DACH2: variants seen among roughly 807,000 people sequenced by gnomAD.
The protein encoded by DACH2 is dachshund homolog 2.
DACH2 carries 17 observed loss-of-function variants against 35.8 expected under a neutral mutation model. The observed-to-expected ratio is 0.48, with a 90% CI of 0.33 to 0.71. The LOEUF is 0.71. DACH2 is among the 30% of genes least tolerant of loss of function. The pLI, the probability that DACH2 is intolerant of heterozygous loss-of-function variation, is 0.02. For synonymous variants in DACH2, 195 were observed against 177.3 expected (o/e 1.10, Z -0.79); for missense variants, 469 against 472.7 (o/e 0.99, Z 0.07).
chrX:86,804,341 C>T (rs1112307), intron 7 of DACH2, among the ~76,000 whole-genome samples: 25,051 of 110,590 alleles, frequency 0.23, 2,589 homozygotes, highest in South Asian at 0.4. Context: ...TCATGAGAAC[C>T]GCACCAGGAG....
chrX:86,691,817 G>A (rs2041013389), intron 4 of DACH2, among the ~76,000 whole-genome samples: 2 of 111,778 alleles, frequency 1.8e-5, no homozygotes, highest in Admixed American at 1.9e-4. Context: ...GCATTTGGAG[G>A]TAGACAGACA....
At chrX:86,371,128 T>C (rs990088622) in intron 1 of DACH2, among the ~76,000 whole-genome samples, 2 of 110,829 alleles carry the variant, frequency 1.8e-5, no homozygotes, top group Admixed American at 9.7e-5. Flanking sequence ...TCAGAGACAA[T>C]TGACATAGGG....
intron 2 of DACH2, among the ~76,000 whole-genome samples, chrX:86,469,842 T>TTGTGTGTG (rs59130472): frequency 1.1e-3 from 109 of 103,013 alleles, no homozygotes; most frequent in East Asian, 9.0e-3. Flanking sequence ...CTGTGTGTGT[T>TTGTGTGTG]TGTGTGTGTG....
intron 1 of DACH2, among the ~76,000 whole-genome samples, chrX:86,192,316 C>G (rs2031854286): frequency 8.9e-6 from 1 of 112,129 alleles, no homozygotes; most frequent in Non-Finnish European, 1.9e-5. Flanking sequence ...GATTCTTCCA[C>G]AAAACAGTTC....
At chrX:86,310,758 C>T (rs1309425983) in intron 1 of DACH2, among the ~76,000 whole-genome samples, 1 of 111,228 alleles carries the variant, frequency 9.0e-6, no homozygotes, top group African/African-American at 3.3e-5. Flanking sequence ...GTGTATGGAC[C>T]TCTCTCAGTG....
At chrX:86,281,239 C>A (rs180743776) in intron 1 of DACH2, among the ~76,000 whole-genome samples, 1 of 111,253 alleles carries the variant, frequency 9.0e-6, no homozygotes, top group Admixed American at 9.6e-5. Context: ...AACATCAGTG[C>A]GAAAATTCTC....
At chrX:86,248,071 C>T (rs968160581) in intron 1 of DACH2, among the ~76,000 whole-genome samples, 1 of 111,146 alleles carries the variant, frequency 9.0e-6, no homozygotes, top group African/African-American at 3.3e-5. Context: ...TACAAACCCA[C>T]AGCCAACATT....
chrX:86,802,508 G>A (rs1000029302), intron 7 of DACH2, among the ~76,000 whole-genome samples: 3 of 78,683 alleles, frequency 3.8e-5, no homozygotes, highest in Non-Finnish European at 7.0e-5. Context: ...AGATTAAGAA[G>A]AGAAGTTTCT....
intron 1 of DACH2, among the ~76,000 whole-genome samples, chrX:86,170,389 C>T (rs946304244): frequency 1.3e-4 from 14 of 111,686 alleles, no homozygotes; most frequent in Non-Finnish European, 2.3e-4. Context: ...CTACATTCAA[C>T]GGGTGACAAA....
chrX:86,238,401 A>C (rs1240218345), intron 1 of DACH2, among the ~76,000 whole-genome samples: 1 of 112,264 alleles, frequency 8.9e-6, no homozygotes, highest in Non-Finnish European at 1.9e-5. Context: ...ATAGCACTAG[A>C]CACATGTGAT....
chrX:86,733,024 A>G (rs192072739), intron 6 of DACH2, among the ~76,000 whole-genome samples: 1 of 111,630 alleles, frequency 9.0e-6, no homozygotes, highest in East Asian at 2.8e-4. Context: ...TGCCCAATTT[A>G]ATATCAAATT....
At chrX:86,164,680 T>C (rs1382895880) in intron 1 of DACH2, among the ~76,000 whole-genome samples, 1 of 111,605 alleles carries the variant, frequency 9.0e-6, no homozygotes, top group Non-Finnish European at 1.9e-5. Flanking sequence ...GCACCATTTA[T>C]TGAATAGGGA....
intron 3 of DACH2, among the ~76,000 whole-genome samples, chrX:86,643,218 T>C (rs58220929): frequency 0.21 from 21,436 of 100,193 alleles, 2,548 homozygotes; most frequent in East Asian, 0.46. Context: ...GGCCACTAGC[T>C]AGACTAATTA....
intron 1 of DACH2, among the ~76,000 whole-genome samples, chrX:86,332,909 T>C (rs1359890194): frequency 1.8e-5 from 2 of 112,068 alleles, no homozygotes; most frequent in African/African-American, 6.5e-5. Context: ...TGTGTATTTG[T>C]GCATGTGTTA....
chrX:86,643,711 T>A (rs2040378593), intron 3 of DACH2, among the ~76,000 whole-genome samples: 1 of 109,982 alleles, frequency 9.1e-6, no homozygotes, highest in Admixed American at 9.7e-5. Context: ...AAAAAAAACC[T>A]CCACAAAAAT....
intron 2 of DACH2, among the ~76,000 whole-genome samples, chrX:86,427,084 C>T (rs1475484353): frequency 9.0e-6 from 1 of 111,108 alleles, no homozygotes; most frequent in East Asian, 2.8e-4. Context: ...GGAGTCAGTC[C>T]GGATGATAGG....
intron 5 of DACH2, among the ~76,000 whole-genome samples, chrX:86,709,805 T>C (rs934071964): frequency 3.6e-5 from 4 of 112,381 alleles, no homozygotes; most frequent in African/African-American, 1.3e-4. Flanking sequence ...GAATATAATA[T>C]GTCACTAGGG....
At chrX:86,597,802 T>C in intron 3 of DACH2, among the ~76,000 whole-genome samples, 1 of 112,124 alleles carries the variant, frequency 8.9e-6, no homozygotes, top group East Asian at 2.8e-4. Context: ...TTTCCCTTCA[T>C]TCCTTGAGGC....
At chrX:86,680,005 T>C (rs1319924100) in intron 4 of DACH2, among the ~76,000 whole-genome samples, 1 of 111,581 alleles carries the variant, frequency 9.0e-6, no homozygotes, top group African/African-American at 3.3e-5. Flanking sequence ...AATAGACTCA[T>C]TTGTTTATAT....
Sources: gnomAD v4.1 joint callset for allele counts (sites outside exome capture counted in the v4.1 genomes callset) on GRCh38, gnomAD v4.1.1 for gene constraint, MANE v1.5 for transcripts, NCBI Gene and HGNC (gene_info 2026-07-23, HGNC 2026-07-21) for gene names.